CNTN3: variants seen among roughly 807,000 people sequenced by gnomAD.
CNTN3 encodes the protein contactin 3, also known as contactin-3.
A neutral mutation model predicts 119.1 loss-of-function variants in CNTN3; 60 were observed. That is an observed-to-expected ratio of 0.50 (90% CI 0.41 to 0.62). The LOEUF is 0.62. Among genes scored for constraint, CNTN3 ranks in the 20% least tolerant of loss-of-function variants. CNTN3 has a pLI of 0.00. For synonymous variants in CNTN3, 450 were observed against 438.7 expected (o/e 1.03, Z -0.32); for missense variants, 1,101 against 1,242.4 (o/e 0.89, Z 1.71).
chr3:74,303,696 T>C (rs1052881799), intron 13 of CNTN3, among the ~76,000 whole-genome samples: 8 of 152,146 alleles, frequency 5.3e-5, no homozygotes, highest in African/African-American at 1.7e-4. Context: ...AGACTCTGTC[T>C]CCGCCTCCAA....
At chr3:74,405,625 T>A (rs1705304378) in intron 5 of CNTN3, among the ~76,000 whole-genome samples, 1 of 152,112 alleles carries the variant, frequency 6.6e-6, no homozygotes, top group Non-Finnish European at 1.5e-5. Context: ...TTGTTATCTT[T>A]ACAATAATGA....
intron 4 of CNTN3, among the ~76,000 whole-genome samples, chr3:74,455,835 T>G (rs1339915481): frequency 1.3e-5 from 2 of 152,062 alleles, no homozygotes; most frequent in African/African-American, 4.8e-5. Context: ...CCTGGAGGTC[T>G]TGTTAAAATA....
intron 13 of CNTN3, among the ~76,000 whole-genome samples, chr3:74,315,039 A>T (rs1289423233): frequency 1.3e-5 from 2 of 152,192 alleles, no homozygotes; most frequent in Non-Finnish European, 1.5e-5. Context: ...AAACCTATCA[A>T]AATCAAGATG....
At chr3:74,321,105 A>G (rs1005939899) in intron 13 of CNTN3, among the ~76,000 whole-genome samples, 1 of 152,134 alleles carries the variant, frequency 6.6e-6, no homozygotes, top group Non-Finnish European at 1.5e-5. Flanking sequence ...ACATACATAT[A>G]AGAACAATAA....
At chr3:74,356,439 T>A (rs1372421115) in intron 11 of CNTN3, among the ~76,000 whole-genome samples, 1 of 152,054 alleles carries the variant, frequency 6.6e-6, no homozygotes, top group African/African-American at 2.4e-5. Context: ...TCTAGAGAGC[T>A]TGTCCTGATC....
intron 4 of CNTN3, among the ~76,000 whole-genome samples, chr3:74,458,536 A>G (rs1330624718): frequency 6.6e-6 from 1 of 152,086 alleles, no homozygotes; most frequent in East Asian, 1.9e-4. Flanking sequence ...CTTCCATAGT[A>G]CAAAGGCAGA....
intron 1 of CNTN3, among the ~76,000 whole-genome samples, chr3:74,581,303 A>G (rs1409677228): frequency 6.6e-6 from 1 of 152,210 alleles, no homozygotes; most frequent in Non-Finnish European, 1.5e-5. Context: ...ATACAATGCC[A>G]GTACATTAAA....
chr3:74,448,071 A>C (rs1702081328), intron 4 of CNTN3, among the ~76,000 whole-genome samples: 1 of 152,142 alleles, frequency 6.6e-6, no homozygotes, highest in African/African-American at 2.4e-5. Flanking sequence ...CTTCTATGCT[A>C]TGTGCAGCAG....
intron 1 of CNTN3, among the ~76,000 whole-genome samples, chr3:74,585,380 C>T (rs954686526): frequency 3.9e-5 from 6 of 152,202 alleles, no homozygotes; most frequent in Non-Finnish European, 7.4e-5. Context: ...GCCCAAACTC[C>T]ATGGATTTTC....
intron 4 of CNTN3, among the ~76,000 whole-genome samples, chr3:74,448,172 A>G (rs1469958482): frequency 1.3e-5 from 2 of 152,274 alleles, no homozygotes; most frequent in East Asian, 3.9e-4. Context: ...TCTAGTTGAG[A>G]GCAGGACTAT....
intron 1 of CNTN3, among the ~76,000 whole-genome samples, chr3:74,526,150 G>C (rs1703615566): frequency 6.6e-6 from 1 of 151,544 alleles, no homozygotes; most frequent in Admixed American, 6.6e-5. Context: ...TCTACAAAAA[G>C]TCATCTCCAA....
At chr3:74,463,284 C>T (rs576689901) in intron 4 of CNTN3, among the ~76,000 whole-genome samples, 1 of 152,112 alleles carries the variant, frequency 6.6e-6, no homozygotes. Flanking sequence ...TTTGTCTCTC[C>T]CATAGAGTTT....
At chr3:74,345,358 C>T (rs368236428) in intron 11 of CNTN3, among the ~76,000 whole-genome samples, 7 of 152,292 alleles carry the variant, frequency 4.6e-5, no homozygotes, top group Non-Finnish European at 4.4e-5. Flanking sequence ...TCAATGGACT[C>T]GTTTAAGCAT....
intron 11 of CNTN3, among the ~76,000 whole-genome samples, chr3:74,357,863 A>T (rs1407866331): frequency 2.0e-5 from 3 of 152,126 alleles, no homozygotes; most frequent in Non-Finnish European, 4.4e-5. Context: ...GCACCAATGA[A>T]TTCATTTCTC....
At chr3:74,329,247 C>T (rs1703204582) in intron 13 of CNTN3, among the ~76,000 whole-genome samples, 1 of 152,024 alleles carries the variant, frequency 6.6e-6, no homozygotes, top group Non-Finnish European at 1.5e-5. Flanking sequence ...GAAATTGTGG[C>T]TTGTGGGAAA....
intron 13 of CNTN3, among the ~76,000 whole-genome samples, chr3:74,329,755 A>G (rs1429578457): frequency 2.0e-5 from 3 of 152,226 alleles, no homozygotes; most frequent in African/African-American, 7.2e-5. Flanking sequence ...AAGATGTTCT[A>G]CAGGGGTAAA....
At chr3:74,425,573 CAATAT>C (rs1701683355) in intron 4 of CNTN3, among the ~76,000 whole-genome samples, 1 of 151,934 alleles carries the variant, frequency 6.6e-6, no homozygotes. Flanking sequence ...ACTAACCAGA[CAATAT>C]AATTCAAAAA....
At chr3:74,319,504 C>G (rs1172677412) in intron 13 of CNTN3, among the ~76,000 whole-genome samples, 1 of 152,008 alleles carries the variant, frequency 6.6e-6, no homozygotes, top group Non-Finnish European at 1.5e-5. Context: ...ACACCTTATA[C>G]AAAAATTAAT....
chr3:74,451,134 T>G (rs1037897921), intron 4 of CNTN3, among the ~76,000 whole-genome samples: 2 of 152,040 alleles, frequency 1.3e-5, no homozygotes, highest in Non-Finnish European at 2.9e-5. Context: ...CCACCAACAG[T>G]GTCAAAGTGT....
Sources: allele counts gnomAD v4.1 joint callset (sites outside exome capture counted in the v4.1 genomes callset), GRCh38; gene constraint gnomAD v4.1.1; transcripts MANE v1.5; gene names NCBI Gene and HGNC (gene_info 2026-07-23, HGNC 2026-07-21).